FRMPD3: variants seen among roughly 807,000 people sequenced by gnomAD.
FRMPD3 encodes the protein FERM and PDZ domain-containing protein 3.
FRMPD3 carries 42 observed loss-of-function variants against 97.9 expected under a neutral mutation model. That is an observed-to-expected ratio of 0.43 (90% confidence interval 0.34 to 0.55). The LOEUF (loss-of-function observed/expected upper bound fraction) is 0.55. Among genes scored for constraint, FRMPD3 ranks in the 20% least tolerant of loss-of-function variants. FRMPD3 has a pLI of 0.03. For missense variants in FRMPD3, 1,303 were observed against 1,457.7 expected (o/e 0.89, Z 1.73); for synonymous variants, 577 against 581.1 (o/e 0.99, Z 0.10).
chrX:107,593,245 G>GT (rs930118040), intron 13 of FRMPD3, among the ~76,000 whole-genome samples: 1 of 111,073 alleles, frequency 9.0e-6, no homozygotes, highest in Non-Finnish European at 1.9e-5. Context: ...GGGATTGTTT[G>GT]TTTTTTTCTT....
chrX:107,575,972 C>T (rs191717074), intron 12 of FRMPD3, among the ~76,000 whole-genome samples: 122 of 111,830 alleles, frequency 1.1e-3, no homozygotes, highest in African/African-American at 3.3e-3. Context: ...AGCTTTACCC[C>T]GCTCTCCCGG....
intron 1 of FRMPD3, among the ~76,000 whole-genome samples, chrX:107,471,109 G>C (rs370784351): frequency 8.9e-6 from 1 of 112,302 alleles, no homozygotes; most frequent in Non-Finnish European, 1.9e-5. Context: ...CAGCAATTGC[G>C]TTTGTTTGCA....
intron 1 of FRMPD3, among the ~76,000 whole-genome samples, chrX:107,478,788 C>T (rs1448531252): frequency 4.5e-5 from 5 of 112,020 alleles, no homozygotes; most frequent in South Asian, 3.7e-4. Flanking sequence ...GATTGGTGAC[C>T]GTGTGCAGAT....
intron 8 of FRMPD3, among the ~76,000 whole-genome samples, chrX:107,558,450 G>A (rs774065537): frequency 3.3e-4 from 36 of 110,477 alleles, no homozygotes; most frequent in African/African-American, 9.2e-4. Context: ...AACATAGTGA[G>A]ACCCCCATCT....
At chrX:107,530,022 G>A (rs935650291) in intron 2 of FRMPD3, among the ~76,000 whole-genome samples, 10 of 112,139 alleles carry the variant, frequency 8.9e-5, no homozygotes, top group Non-Finnish European at 1.5e-4. Context: ...GCTCCCAAAA[G>A]CCCACCTGGT....
intron 14 of FRMPD3, among the ~76,000 whole-genome samples, chrX:107,599,581 A>G (rs1416114855): frequency 8.9e-6 from 1 of 112,237 alleles, no homozygotes; most frequent in Non-Finnish European, 1.9e-5. Flanking sequence ...ATGAGGAGGG[A>G]TAGAGAGAGA....
At chrX:107,599,897 A>T (rs1924409817) in intron 14 of FRMPD3, among the ~76,000 whole-genome samples, 1 of 110,636 alleles carries the variant, frequency 9.0e-6, no homozygotes, top group African/African-American at 3.3e-5. Context: ...GCTTCTATGC[A>T]CTTCCTATAT....
intron 4 of FRMPD3, chrX:107,544,823 T>G (rs773685831): frequency 3.6e-5 from 4 of 111,723 alleles, no homozygotes; most frequent in Non-Finnish European, 7.5e-5. Context: ...CATGGTGGCC[T>G]GTAAGCCCAG....
chrX:107,509,193 C>T (rs990780730), intron 1 of FRMPD3, among the ~76,000 whole-genome samples: 7 of 112,633 alleles, frequency 6.2e-5, no homozygotes, highest in African/African-American at 2.3e-4. Context: ...TTTATAGCTC[C>T]TCACTGTTGG....
intron 12 of FRMPD3, among the ~76,000 whole-genome samples, chrX:107,570,210 GGAAAGGAAA>G (rs1366576968): frequency 6.1e-5 from 6 of 98,099 alleles, no homozygotes; most frequent in Non-Finnish European, 1.2e-4. Context: ...GAGGCAGGAA[GGAAAGGAAA>G]GAAAGGAAAG....
intron 13 of FRMPD3, among the ~76,000 whole-genome samples, chrX:107,583,966 T>C (rs12844916): frequency 0.025 from 2,684 of 107,433 alleles, 45 homozygotes; most frequent in Non-Finnish European, 0.037. Flanking sequence ...CCTCCTGAGT[T>C]CAAGCAACTC....
chrX:107,555,057 T>C (rs1348010818), intron 8 of FRMPD3: 1 of 114,031 alleles, frequency 8.8e-6, no homozygotes, highest in Non-Finnish European at 1.8e-5. Flanking sequence ...ACAAGAGAGA[T>C]GGTGCAGGCT....
At chrX:107,566,691 GATT>G (rs1436681855) in intron 12 of FRMPD3, among the ~76,000 whole-genome samples, 1 of 113,426 alleles carries the variant, frequency 8.8e-6, no homozygotes, top group Non-Finnish European at 1.9e-5. Flanking sequence ...TACTCTCAGA[GATT>G]ATGATTTCTT....
intron 1 of FRMPD3, among the ~76,000 whole-genome samples, chrX:107,515,451 G>A (rs1922288297): frequency 9.0e-6 from 1 of 111,350 alleles, no homozygotes; most frequent in South Asian, 3.8e-4. Flanking sequence ...GGCCAATGCG[G>A]ACCTTAACAA....
At chrX:107,522,884 A>G (rs1922557969) in intron 1 of FRMPD3, among the ~76,000 whole-genome samples, 1 of 108,084 alleles carries the variant, frequency 9.3e-6, no homozygotes, top group Admixed American at 9.9e-5. Context: ...GGCAAATAAC[A>G]GAAGCAAATA....
rs779976093 is a variant in FRMPD3 at position 107,597,833 on chromosome X, G to C, written c.1954G>C (p.Glu652Gln). The C allele has an allele frequency of 8.4e-7, 1 of 1,187,900 alleles. No individual in the cohort carries two copies. ...CCTCCCACCACCTGGGAGTGAGGAG[G>C]AGGAGGAGGAGGAAGATGAGACAAC... is the stretch of plus-strand genomic sequence containing the variant. ...MSLPPPGSEEEEEEEDETTSL... is the reference protein window; with the variant it reads ...MSLPPPGSEEQEEEEDETTSL... Residue 652 changes from glutamate to glutamine, a missense_variant, in exon 14 of 15, where the codon GAG becomes CAG. By Grantham distance (29) the Glu-to-Gln change is conservative (BLOSUM62 2). Coordinates refer to ENST00000683843, the MANE Select transcript of FRMPD3 (RefSeq NM_001388459.1).
Position 107,601,628 on chromosome X carries a change from G to A in FRMPD3, c.3589G>A (p.Ala1197Thr), listed in dbSNP as rs771651690. The A allele has an allele frequency of 9.9e-6, 12 of 1,210,747 alleles. No homozygotes were observed. The South Asian group carries it at 2.1e-4, about 21-fold the overall frequency. ...SRKLETTLNG[A>T]HSTSEGPAKP... Reference sequence around the variant, plus strand: ...GAAGCTTGAAACAACTCTCAATGGAGCCCACTCGACCTCTGAAGGCCCTGC... The same window carrying A: ...GAAGCTTGAAACAACTCTCAATGGAACCCACTCGACCTCTGAAGGCCCTGC... The change falls in exon 15 of 15, where the codon GCC becomes ACC. Residue 1197 changes from alanine to threonine, a missense_variant. Physicochemically the swap from Ala to Thr is moderately conservative, Grantham distance 58 (BLOSUM62 0). Transcript: ENST00000683843.
chrX:107,601,812 G>T lies in FRMPD3; in HGVS notation c.3773G>T (p.Ser1258Ile), dbSNP rs1369208714. The change falls in exon 15 of 15, where the codon AGC becomes ATC. Residue 1258 changes from serine to isoleucine, a missense_variant. This residue lies in a region of FRMPD3 where 764 missense variants were observed against 820.2 expected (regional missense o/e 0.93). Transcript: ENST00000683843. ...EFLEELLKPP[S>I]QGELPGTEYL... is the part of the protein sequence containing the mutation. Reference sequence around the variant, plus strand: ...CTTGAGGAACTTCTAAAGCCACCAAGCCAGGGGGAGCTGCCAGGCACCGAG... The same window carrying T: ...CTTGAGGAACTTCTAAAGCCACCAATCCAGGGGGAGCTGCCAGGCACCGAG... 8.3e-7 allele frequency: 1 copy of T among 1,209,489 alleles called. No homozygotes were observed. The highest frequency in any genetic ancestry group is 2.2e-5 in the Admixed American group (1 of 45,909).
intron 3 of FRMPD3, among the ~76,000 whole-genome samples, chrX:107,532,663 A>G (rs1440327456): frequency 8.9e-6 from 1 of 112,102 alleles, no homozygotes; most frequent in Non-Finnish European, 1.9e-5. Flanking sequence ...AATGTGGGAG[A>G]TGTTCAAAGT....
Sources: gnomAD v4.1 joint callset for allele counts (sites outside exome capture counted in the v4.1 genomes callset) on GRCh38, gnomAD v4.1.1 for gene constraint, gnomAD v4.1.1 regional missense constraint, MANE v1.5 for transcripts, NCBI Gene and HGNC (gene_info 2026-07-23, HGNC 2026-07-21) for gene names.